ZNF469: variants seen among roughly 807,000 people sequenced by gnomAD.
The protein encoded by ZNF469 is zinc finger protein 469.
A neutral mutation model predicts 1.0 loss-of-function variants in ZNF469; 1 was observed. The ratio of observed to expected loss-of-function variants is 1.00; its 90% CI spans 0.35 to 4.73. The LOEUF is 4.73. ZNF469 is among the 30% of genes most tolerant of loss of function. The pLI is 0.16. For synonymous variants in ZNF469, 2,703 were observed against 2,363.4 expected, an observed-to-expected ratio of 1.14 and a Z score of -4.17; for missense variants, 6,100 against 5,356.3, an observed-to-expected ratio of 1.14 and a Z score of -4.33.
the ZNF469 span, among the ~76,000 whole-genome samples, chr16:88,221,091 A>G: frequency 6.6e-6 from 1 of 151,616 alleles, no homozygotes; most frequent in Non-Finnish European, 1.5e-5. Flanking sequence ...TGCTGCTCCT[A>G]CTCGGTGTCA....
the ZNF469 span, among the ~76,000 whole-genome samples, chr16:88,345,441 C>A: frequency 6.6e-6 from 1 of 152,228 alleles, no homozygotes; most frequent in Non-Finnish European, 1.5e-5. Context: ...GACGGCACAG[C>A]CATGATGGCT....
chr16:88,129,722 T>C, the ZNF469 span, among the ~76,000 whole-genome samples: 2 of 152,098 alleles, frequency 1.3e-5, no homozygotes, highest in Non-Finnish European at 2.9e-5. Context: ...AAGCCAGATG[T>C]GGTGGCGCAC....
chr16:88,117,607 G>GTGGAGGTGCCACTTGCCTTCGGGGACCA, the ZNF469 span, among the ~76,000 whole-genome samples: 1 of 148,816 alleles, frequency 6.7e-6, no homozygotes, highest in Non-Finnish European at 1.5e-5. Context: ...TTCGGGGACC[G>GTGGAGGTGCCACTTGCCTTCGGGGACCA]TGGAGGTGCC....
chr16:88,221,179 C>T, the ZNF469 span, among the ~76,000 whole-genome samples: 1 of 152,216 alleles, frequency 6.6e-6, no homozygotes, highest in Non-Finnish European at 1.5e-5. Context: ...GAGCAGGCCT[C>T]ACACCAGAGA....
At chr16:88,370,508 C>T in the ZNF469 span, among the ~76,000 whole-genome samples, 2 of 152,132 alleles carry the variant, frequency 1.3e-5, no homozygotes. Flanking sequence ...GGACGATCGG[C>T]TAAGGAATAA....
At chr16:88,158,015 G>A in the ZNF469 span, among the ~76,000 whole-genome samples, 8 of 152,192 alleles carry the variant, frequency 5.3e-5, no homozygotes, top group South Asian at 2.1e-4. Context: ...CACCTGGGCC[G>A]GCAACGTGGT....
the ZNF469 span, among the ~76,000 whole-genome samples, chr16:88,180,416 T>C: frequency 6.6e-6 from 1 of 152,198 alleles, no homozygotes; most frequent in Admixed American, 6.5e-5. Flanking sequence ...TAGTATCAGA[T>C]AAAATAGATA....
At chr16:88,344,005 A>T in the ZNF469 span, among the ~76,000 whole-genome samples, 1 of 152,022 alleles carries the variant, frequency 6.6e-6, no homozygotes, top group Admixed American at 6.6e-5. Context: ...ACGGGACATG[A>T]TCAGATGGGC....
chr16:88,371,431 C>T, the ZNF469 span, among the ~76,000 whole-genome samples: 1 of 152,186 alleles, frequency 6.6e-6, no homozygotes, highest in South Asian at 2.1e-4. Flanking sequence ...CAGTTCAGTC[C>T]TCATAGTAAC....
At chr16:88,345,844 G>A in the ZNF469 span, among the ~76,000 whole-genome samples, 1 of 152,204 alleles carries the variant, frequency 6.6e-6, no homozygotes, top group Admixed American at 6.5e-5. Flanking sequence ...CCCCACCGAG[G>A]CTGCCAGAGG....
Position 88,436,138 on chromosome 16 carries a change from C to T in ZNF469, c.8668C>T (p.Pro2890Ser). The change falls in exon 3 of 3, where the codon CCA becomes TCA. Residue 2890 changes from proline (P) to serine (S), a missense_variant. Physicochemically the swap from Pro to Ser is moderately conservative, Grantham distance 74 (BLOSUM62 -1). Coordinates refer to ENST00000565624, the MANE Select transcript of ZNF469 (RefSeq NM_001367624.2). Reference sequence around the variant, plus strand: ...CTGTGAGAAGCCGGTGCTCCCGCTGCCAACCCAGCCCAGCTTTGAGGAGGG... The same window carrying T: ...CTGTGAGAAGCCGGTGCTCCCGCTGTCAACCCAGCCCAGCTTTGAGGAGGG... The part of the protein sequence containing the change: ...KRCEKPVLPL[P>S]TQPSFEEGGD... 10 of 1,548,134 alleles carry T rather than the reference C, an allele frequency of 6.5e-6. No homozygotes were observed. The highest frequency in any genetic ancestry group is 8.7e-6 in the Non-Finnish European group (10 of 1,146,970).
chr16:88,160,750 G>A, the ZNF469 span, among the ~76,000 whole-genome samples: 1 of 152,204 alleles, frequency 6.6e-6, no homozygotes, highest in Non-Finnish European at 1.5e-5. Context: ...CCTGCTGCCC[G>A]GCTCTGACAT....
chr16:88,349,031 G>A, the ZNF469 span, among the ~76,000 whole-genome samples: 9,918 of 152,238 alleles, frequency 0.065, 589 homozygotes, highest in African/African-American at 0.15. Flanking sequence ...AGCCGACTGC[G>A]GCCTCTCTGA....
At chr16:88,382,622 G>A (rs1053322037), upstream of ZNF469, among the ~76,000 whole-genome samples, 13 of 152,236 alleles carry the variant, frequency 8.5e-5, no homozygotes, top group Non-Finnish European at 1.8e-4. Context: ...GAAGCACAGG[G>A]ACAAGCGTGT....
chr16:88,107,865 G>A, the ZNF469 span, among the ~76,000 whole-genome samples: 2 of 152,190 alleles, frequency 1.3e-5, no homozygotes, highest in African/African-American at 2.4e-5. Flanking sequence ...GTTGGGCTCC[G>A]GCCTCCACAC....
chr16:88,161,017 A>G, the ZNF469 span, among the ~76,000 whole-genome samples: 1 of 152,062 alleles, frequency 6.6e-6, no homozygotes, highest in Non-Finnish European at 1.5e-5. Context: ...CTAAAAATAT[A>G]AAATTTAGTG....
chr16:88,226,130 T>A, the ZNF469 span, among the ~76,000 whole-genome samples: 2 of 152,190 alleles, frequency 1.3e-5, no homozygotes, highest in Non-Finnish European at 2.9e-5. Flanking sequence ...CGCAGGCGTC[T>A]GTGCTGGGGG....
At chr16:88,389,781 G>GTCTTT (rs1349597465) in intron 1 of ZNF469, among the ~76,000 whole-genome samples, 1 of 152,174 alleles carries the variant, frequency 6.6e-6, no homozygotes, top group Non-Finnish European at 1.5e-5. Context: ...GTGGCCATGG[G>GTCTTT]GACCTCAAGG....
At chr16:88,134,181 T>C in the ZNF469 span, among the ~76,000 whole-genome samples, 1 of 152,358 alleles carries the variant, frequency 6.6e-6, no homozygotes, top group South Asian at 2.1e-4. Flanking sequence ...TCTGAATGTA[T>C]TGTCATCTAA....
Sources: gnomAD v4.1 joint callset for allele counts (sites outside exome capture counted in the v4.1 genomes callset) on GRCh38, gnomAD v4.1.1 for gene constraint, MANE v1.5 for transcripts, NCBI Gene and HGNC (gene_info 2026-07-23, HGNC 2026-07-21) for gene names.